The following MBD5 variants were observed in gnomAD, a reference collection of about 807,000 sequenced individuals.
MBD5 encodes methyl-CpG-binding domain protein 5.
Under a neutral mutation model 117.3 loss-of-function variants are expected in MBD5, and 13 were observed. That is an observed-to-expected ratio of 0.11 (90% CI 0.07 to 0.18). The LOEUF (loss-of-function observed/expected upper bound fraction) is 0.18. MBD5 is among the 10% of genes least tolerant of loss of function. The pLI is 1.00. For missense variants in MBD5, 1,879 were observed against 2,093.8 expected, an observed-to-expected ratio of 0.90 and a Z score of 2.00; for synonymous variants, 727 against 766.4, an observed-to-expected ratio of 0.95 and a Z score of 0.85.
rs184022808 is a variant in MBD5 at position 148,332,729 on chromosome 2, A to G, written c.-679-9485A>G. On this transcript the variant is annotated intron_variant, in intron 3 of 13. Transcript: ENST00000642680. ...TTAAGATTTTCTATTTCTATCAGAG[A>G]TCTGAAATTTTATTAGGATATGCCC... Among the ~76,000 whole-genome samples, 3 of 152,226 alleles carry G rather than the reference A, an allele frequency of 2.0e-5. No homozygotes were observed. The East Asian group carries it at 5.8e-4, about 29-fold the overall frequency.
At chr2:148,210,600 T>C (rs1275917078) in intron 2 of MBD5, among the ~76,000 whole-genome samples, 1 of 152,030 alleles carries the variant, frequency 6.6e-6, no homozygotes, top group Non-Finnish European at 1.5e-5. Flanking sequence ...TGCTTAAATT[T>C]AGCTCATGTC....
rs186594088 is a variant in MBD5, at chr2:148,427,921, T to C, written c.-556-30282T>C. Among the ~76,000 whole-genome samples, 146 of 152,266 alleles carry C rather than the reference T, an allele frequency of 9.6e-4. 1 individual carries two copies. Among genetic ancestry groups the C allele is most frequent in the African/African-American group, 3.2e-3 (135 of 41,566 alleles). On this transcript the variant is annotated intron_variant, in intron 4 of 13. Coordinates refer to ENST00000642680, the MANE Select transcript of MBD5 (RefSeq NM_001378120.1). ...TGTGCAAAAACTGGAAGCATTCCCT[T>C]TGAAAACCGGCACAAGACAAGGATG...
At chr2:148,218,776 G>C (rs1365159055) in intron 2 of MBD5, among the ~76,000 whole-genome samples, 1 of 152,130 alleles carries the variant, frequency 6.6e-6, no homozygotes, top group African/African-American at 2.4e-5. Context: ...ATAAAAGTAA[G>C]ATATGAAAGA....
intron 2 of MBD5, among the ~76,000 whole-genome samples, chr2:148,205,020 C>A (rs936046978): frequency 2.0e-5 from 3 of 151,886 alleles, no homozygotes; most frequent in African/African-American, 7.3e-5. Context: ...TAAAAATATA[C>A]CACTTCTACC....
chr2:148,330,605 G>A (rs1702621800), intron 3 of MBD5: 2 of 152,206 alleles, frequency 1.3e-5, no homozygotes, highest in Non-Finnish European at 2.9e-5. Context: ...TTTCAGGTAT[G>A]ACATCTATTT....
chr2:148,280,882 C>T (rs752469415), intron 3 of MBD5, among the ~76,000 whole-genome samples: 18 of 152,108 alleles, frequency 1.2e-4, no homozygotes, highest in Non-Finnish European at 2.6e-4. Context: ...AGTTGTTTTT[C>T]CCTCAGCAAT....
intron 3 of MBD5, among the ~76,000 whole-genome samples, chr2:148,300,881 A>T (rs1207555312): frequency 6.6e-6 from 1 of 152,236 alleles, no homozygotes; most frequent in Non-Finnish European, 1.5e-5. Context: ...CAAATATAAC[A>T]GAAAAGTTAT....
At chr2:148,247,890 T>C (rs1419169729) in intron 3 of MBD5, among the ~76,000 whole-genome samples, 1 of 152,148 alleles carries the variant, frequency 6.6e-6, no homozygotes, top group Non-Finnish European at 1.5e-5. Context: ...TTAGGTACCC[T>C]GACATCTCAT....
At chr2:148,375,638 T>C (rs1463157507) in intron 4 of MBD5, among the ~76,000 whole-genome samples, 1 of 152,168 alleles carries the variant, frequency 6.6e-6, no homozygotes, top group Non-Finnish European at 1.5e-5. Flanking sequence ...CTTAAGAAGA[T>C]TGAAGCCATT....
At chr2:148,367,725 A>T (rs1225900171) in intron 4 of MBD5, among the ~76,000 whole-genome samples, 1 of 152,252 alleles carries the variant, frequency 6.6e-6, no homozygotes. Flanking sequence ...ACATATGAAC[A>T]AAAGCTCTTT....
At chr2:148,069,769 C>T (rs1038998307) in intron 1 of MBD5, among the ~76,000 whole-genome samples, 1 of 152,074 alleles carries the variant, frequency 6.6e-6, no homozygotes, top group Non-Finnish European at 1.5e-5. Flanking sequence ...CTTTGAGAAG[C>T]AAGATTGTTA....
At chr2:148,078,003 A>G (rs1052836157) in intron 1 of MBD5, among the ~76,000 whole-genome samples, 3 of 152,168 alleles carry the variant, frequency 2.0e-5, no homozygotes, top group Admixed American at 1.3e-4. Flanking sequence ...TAGAATGTCA[A>G]TGCCAAAAAC....
chr2:148,238,487 A>G (rs1489776943), intron 3 of MBD5, among the ~76,000 whole-genome samples: 1 of 152,200 alleles, frequency 6.6e-6, no homozygotes, highest in Non-Finnish European at 1.5e-5. Flanking sequence ...TCAGATGTTT[A>G]TTTGGTCTGA....
At chr2:148,443,249 T>C (rs542267753) in intron 4 of MBD5, among the ~76,000 whole-genome samples, 1 of 151,192 alleles carries the variant, frequency 6.6e-6, no homozygotes, top group African/African-American at 2.5e-5. Context: ...CAATGAATGC[T>C]GGTGATGATA....
At chr2:148,426,895 C>G (rs1031338813) in intron 4 of MBD5, among the ~76,000 whole-genome samples, 3 of 152,068 alleles carry the variant, frequency 2.0e-5, no homozygotes, top group Non-Finnish European at 4.4e-5. Flanking sequence ...TTTTTGCAAT[C>G]TACTCATCTG....
intron 8 of MBD5, among the ~76,000 whole-genome samples, chr2:148,480,178 G>A (rs1035083231): frequency 6.6e-6 from 1 of 151,980 alleles, no homozygotes; most frequent in Admixed American, 6.6e-5. Context: ...CATTTAAGAA[G>A]CTTGTGTTAT....
intron 4 of MBD5, among the ~76,000 whole-genome samples, chr2:148,361,023 GT>G (rs1703517215): frequency 6.6e-6 from 1 of 151,880 alleles, no homozygotes; most frequent in South Asian, 2.1e-4. Flanking sequence ...CTCCTTCCAT[GT>G]TTTTATTGAG....
chr2:148,186,994 TG>T (rs1203294197), intron 2 of MBD5, among the ~76,000 whole-genome samples: 4 of 152,238 alleles, frequency 2.6e-5, no homozygotes, highest in African/African-American at 9.6e-5. Flanking sequence ...GAATATCCAC[TG>T]GATGGGTTTC....
At chr2:148,088,109 G>C (rs966437743) in intron 1 of MBD5, among the ~76,000 whole-genome samples, 5 of 151,772 alleles carry the variant, frequency 3.3e-5, no homozygotes, top group African/African-American at 1.2e-4. Flanking sequence ...ACAGAAAGAA[G>C]AACTTCACAC....
Sources: gnomAD v4.1 joint callset for allele counts (sites outside exome capture counted in the v4.1 genomes callset) on GRCh38, gnomAD v4.1.1 for gene constraint, MANE v1.5 for transcripts, NCBI Gene and HGNC (gene_info 2026-07-23, HGNC 2026-07-21) for gene names.